ISM2: variants seen among roughly 807,000 people sequenced by gnomAD.
ISM2 encodes isthmin 2.
Under a neutral mutation model 58.0 loss-of-function variants are expected in ISM2, and 50 were observed. That is an observed-to-expected ratio of 0.86 (90% CI 0.69 to 1.09). The LOEUF (loss-of-function observed/expected upper bound fraction) is 1.09, where lower values mean the gene tolerates loss of function less well. Ranked by LOEUF, ISM2 falls within the 50% of genes least tolerant of loss-of-function variation. The pLI, the probability that ISM2 is intolerant of heterozygous loss-of-function variation, is 0.00. For synonymous variants in ISM2, 303 were observed against 312.4 expected (o/e 0.97, Z 0.32); for missense variants, 723 against 745.0 (o/e 0.97, Z 0.34).
Position 77,475,563 on chromosome 14 carries a change from C to T in ISM2, c.*32G>A. 2 of 1,526,124 alleles carry T rather than the reference C, an allele frequency of 1.3e-6. No individual in the cohort carries two copies. The highest frequency in any genetic ancestry group is 1.8e-6 in the Non-Finnish European group (2 of 1,134,928). 94.5% of individuals were successfully genotyped at this position (1,526,124 alleles called of 1,614,324 possible). A position where few individuals can be genotyped will look rare whatever the true frequency, so the allele number is the denominator to read the frequency against. ...TGCAACAGCAGCAGCCGCCTGCCCT[C>T]TCCCTGCAGTGTCTGTTCAGCAACC... On this transcript the variant is annotated 3_prime_UTR_variant, in exon 7 of 7. Coordinates refer to ENST00000342219, the MANE Select transcript of ISM2 (RefSeq NM_199296.3). The surrounding 1 kb of genome is among the most constrained non-coding windows in gnomAD (Gnocchi z 4.1).
Position 77,476,008 on chromosome 14 carries a change from G to C in ISM2, c.1303C>G (p.Leu435Val). ...DLPSCPCAYPLEAMDSPVSLQ... is the reference protein window; with the variant it reads ...DLPSCPCAYPVEAMDSPVSLQ... Reference sequence around the variant, plus strand: ...CTCACAGGGCTGTCCATGGCCTCCAGTGGGTAGGCACACGGGCAGCTGGGC... The same window carrying C: ...CTCACAGGGCTGTCCATGGCCTCCACTGGGTAGGCACACGGGCAGCTGGGC... The change falls in exon 7 of 7, where the codon CTG becomes GTG. Residue 435 changes from leucine to valine, a missense_variant. Leu to Val is a conservative substitution (Grantham distance 32). Transcript: ENST00000342219. 6.3e-7 allele frequency: 1 copy of C among 1,584,974 alleles called. No individual in the cohort carries two copies. Among genetic ancestry groups the C allele is most frequent in the South Asian group, 1.1e-5 (1 of 90,124 alleles).
At chr14:77,495,386 C>T (rs2079232884) in intron 1 of ISM2, among the ~76,000 whole-genome samples, 2 of 152,114 alleles carry the variant, frequency 1.3e-5, no homozygotes, top group African/African-American at 4.8e-5. Flanking sequence ...AATAACTCAT[C>T]CTCTAGGGTG....
intron 6 of ISM2, 50 bp downstream of exon 6, chr14:77,478,192 T>C: frequency 6.7e-7 from 1 of 1,490,612 alleles, no homozygotes; most frequent in Non-Finnish European, 9.4e-7. Context: ...CACCCTCCCC[T>C]GAGAGCTCGT....
Position 77,474,464 on chromosome 14 carries a change from G to C in ISM2, c.*1131C>G, listed in dbSNP as rs1476938907. On this transcript the variant is annotated 3_prime_UTR_variant, in exon 7 of 7. Coordinates refer to ENST00000342219, the MANE Select transcript of ISM2 (RefSeq NM_199296.3). ...GGGCGGCCATCTGGGGGCTAGGACTGAAGTCCCCTAACTTTTGGTGGCTCT... is the reference window on the plus strand; with the variant it reads ...GGGCGGCCATCTGGGGGCTAGGACTCAAGTCCCCTAACTTTTGGTGGCTCT... 2.0e-5 allele frequency: 3 copies of C among 152,232 alleles called. No individual in the cohort carries two copies. Among genetic ancestry groups the C allele is most frequent in the African/African-American group, 7.2e-5 (3 of 41,464 alleles). The allele number at this position is 152,232 out of a possible 1,614,324, so 9.4% of individuals were successfully genotyped here. A position where few individuals can be genotyped will look rare whatever the true frequency, so the allele number is the denominator to read the frequency against.
At chr14:77,487,443 G>A (rs2079175011) in intron 1 of ISM2, among the ~76,000 whole-genome samples, 1 of 152,064 alleles carries the variant, frequency 6.6e-6, no homozygotes, top group African/African-American at 2.4e-5. Flanking sequence ...CCTAGCCCAG[G>A]CCCTGCTACC....
intron 5 of ISM2, 43 bp downstream of exon 5, chr14:77,478,532 G>T (rs1260491917): frequency 1.3e-6 from 2 of 1,594,368 alleles, no homozygotes; most frequent in Non-Finnish European, 1.7e-6. Context: ...TCCAGCCTAA[G>T]CCGCACCAGC....
chr14:77,488,035 C>G (rs770608171), intron 1 of ISM2, among the ~76,000 whole-genome samples: 16 of 152,162 alleles, frequency 1.1e-4, no homozygotes, highest in Non-Finnish European at 2.1e-4. Flanking sequence ...AGAGGCCCAG[C>G]CCATAGCCAA....
rs772342344 is a variant in ISM2, at chr14:77,496,799, G to GAA, written c.141+1852_141+1853dup. ...GTGACAGAGTGAGACTCCATCTCAG[G>GAA]AAAAAAAAAAAAAAAAAAAAAAAAA... is the stretch of plus-strand genomic sequence containing the variant. On this transcript the variant is annotated intron_variant, in intron 1 of 6. Transcript: ENST00000342219. Among the ~76,000 whole-genome samples the GAA allele has an allele frequency of 2.9e-3, 76 of 25,800 alleles. 7 individuals are homozygous for GAA. The highest frequency in any genetic ancestry group is 3.2e-3 in the Non-Finnish European group (50 of 15,658). 16.9% of individuals were successfully genotyped at this position (25,800 alleles called of 152,430 possible). A position where few individuals can be genotyped will look rare whatever the true frequency, so the allele number is the denominator to read the frequency against.
Position 77,482,460 on chromosome 14 carries a change from C to A in ISM2, c.835G>T (p.Asp279Tyr). 1 of 1,614,182 alleles carries A rather than the reference C, an allele frequency of 6.2e-7. No homozygotes were observed. Among genetic ancestry groups the A allele is most frequent in the African/African-American group, 1.3e-5 (1 of 75,052 alleles). ...TCCTCTTGATCCTCACCCTCGATAT[C>A]CTCTGAAGGATAGTCCTCGTCTTCC... ...KEEDEDYPSE[D>Y]IEGEDQEDKE... Residue 279 changes from aspartate (D) to tyrosine (Y), a missense_variant, in exon 4 of 7, where the codon GAT becomes TAT. Asp to Tyr is a radical substitution (Grantham distance 160, BLOSUM62 -3). Transcript: ENST00000342219.
intron 1 of ISM2, among the ~76,000 whole-genome samples, chr14:77,486,635 C>T (rs1357855385): frequency 6.6e-6 from 1 of 152,176 alleles, no homozygotes; most frequent in Non-Finnish European, 1.5e-5. Context: ...CCACTGTCTG[C>T]AGTCTCTGGG....
intron 4 of ISM2, 64 bp from the exon 5 acceptor site, chr14:77,478,779 A>T: frequency 1.3e-6 from 2 of 1,529,866 alleles, no homozygotes; most frequent in Non-Finnish European, 1.8e-6. Context: ...GGTACAAATC[A>T]GCACAGGGCA....
At chr14:77,485,432 T>C (rs1172100100) in intron 1 of ISM2, among the ~76,000 whole-genome samples, 1 of 152,380 alleles carries the variant, frequency 6.6e-6, no homozygotes, top group Middle Eastern at 3.4e-3. Flanking sequence ...ATGAGGGCTG[T>C]GTTCCTCCGC....
chr14:77,485,200 G>T (rs370380771), intron 1 of ISM2, among the ~76,000 whole-genome samples: 24 of 152,218 alleles, frequency 1.6e-4, no homozygotes, highest in Admixed American at 5.2e-4. Flanking sequence ...GAAAAGGAGG[G>T]TCATTTCACA....
intron 6 of ISM2, among the ~76,000 whole-genome samples, chr14:77,477,200 C>T (rs954947721): frequency 2.0e-5 from 3 of 152,142 alleles, no homozygotes; most frequent in African/African-American, 7.2e-5. Flanking sequence ...TGGCCTTGGG[C>T]GGCTGGCCAC....
chr14:77,496,784 G>A (rs1224564940), intron 1 of ISM2, among the ~76,000 whole-genome samples: 2 of 107,754 alleles, frequency 1.9e-5, no homozygotes, highest in Non-Finnish European at 3.4e-5. Context: ...GTGACAGAGT[G>A]AGACTCCATC....
At chr14:77,477,166 A>C (rs993644953) in intron 6 of ISM2, among the ~76,000 whole-genome samples, 2 of 152,236 alleles carry the variant, frequency 1.3e-5, no homozygotes, top group African/African-American at 4.8e-5. Flanking sequence ...TGCAGTCACC[A>C]GGGAACAGCA....
intron 5 of ISM2, 51 bp from the exon 6 acceptor site, chr14:77,478,376 C>A (rs748097147): frequency 1.5e-5 from 23 of 1,535,414 alleles, no homozygotes; most frequent in Middle Eastern, 1.7e-4. Flanking sequence ...CACCTCAGTG[C>A]CGCTGATGGG....
intron 1 of ISM2, among the ~76,000 whole-genome samples, chr14:77,495,452 G>A (rs1275421476): frequency 6.6e-6 from 1 of 152,222 alleles, no homozygotes; most frequent in Non-Finnish European, 1.5e-5. Flanking sequence ...ATACAAAGCA[G>A]TAAGTACTAA....
At chr14:77,498,498 G>T in intron 1 of ISM2, 155 bp downstream of exon 1, 1 of 1,238,666 alleles carries the variant, frequency 8.1e-7, no homozygotes, top group Non-Finnish European at 1.1e-6. Flanking sequence ...GCAACGCCCG[G>T]TGTCCGGGAG....
Sources: gnomAD v4.1 joint callset for allele counts (sites outside exome capture counted in the v4.1 genomes callset) on GRCh38, gnomAD v4.1.1 for gene constraint, Gnocchi (gnomAD v3.1) non-coding constraint, MANE v1.5 for transcripts, NCBI Gene and HGNC (gene_info 2026-07-23, HGNC 2026-07-21) for gene names.